USP45: variants seen among roughly 807,000 people sequenced by gnomAD.
USP45 encodes the protein ubiquitin carboxyl-terminal hydrolase 45.
USP45 carries 89 observed loss-of-function variants against 95.8 expected under a neutral mutation model. The observed-to-expected ratio is 0.93, with a 90% CI of 0.78 to 1.11. USP45 has a LOEUF of 1.11. USP45 is among the 50% of genes least tolerant of loss of function. USP45 has a pLI of 0.00. For synonymous variants in USP45, 281 were observed against 316.2 expected (o/e 0.89, Z 1.18); for missense variants, 898 against 942.5 (o/e 0.95, Z 0.62).
At chr6:99,442,934 T>C (rs901209585) in intron 15 of USP45, among the ~76,000 whole-genome samples, 18 of 150,314 alleles carry the variant, frequency 1.2e-4, no homozygotes, top group African/African-American at 4.4e-4. Context: ...GAAAATTGTA[T>C]GGGCTGGGTG....
chr6:99,505,692 GTTCACAATCTTCTTAC>G (rs1798377335), intron 4 of USP45, among the ~76,000 whole-genome samples: 1 of 149,552 alleles, frequency 6.7e-6, no homozygotes, highest in Non-Finnish European at 1.5e-5. Context: ...TACATTACAT[GTTCACAATCTTCTTAC>G]CCACCTTTTT....
At position 99,443,636 on chromosome 6, in the gene USP45, TAG is replaced by T. The variant is rs1441730413; in HGVS notation, c.2000_2001del (p.Thr667LysfsTer31). Reference protein sequence around the residue: ...FAEKKVEGVYTNARKQLLISA... With the variant: ...FAEKKVEGVYXNARKQLLISA... ...GAAATGAGCAATTGCTTCCTGGCAT[TAG>T]TATAAACTCCTTCTACTTTCTTTTC... On this transcript the variant is annotated frameshift_variant, in exon 15 of 18. Transcript: ENST00000500704. LOFTEE classifies it high-confidence loss of function. 5 of 1,606,996 alleles carry T rather than the reference TAG, an allele frequency of 3.1e-6. No homozygotes were observed. The African/African-American group carries it at 6.7e-5, about 21-fold the overall frequency.
At chr6:99,459,870 A>C (rs142578159) in intron 13 of USP45, among the ~76,000 whole-genome samples, 1,790 of 152,178 alleles carry the variant, frequency 0.012, 14 homozygotes, top group Non-Finnish European at 0.016. Flanking sequence ...GGTGGTGGGG[A>C]ATAGGGAGAG....
At position 99,446,194 on chromosome 6, in the gene USP45, G is replaced by A. The variant is rs142513593; in HGVS notation, c.1578C>T (p.Ser526=). 95 of 1,613,972 alleles carry A rather than the reference G, an allele frequency of 5.9e-5. No individual in the cohort carries two copies. Among genetic ancestry groups the A allele is most frequent in the East Asian group, 3.1e-4 (14 of 44,882 alleles). Reference sequence around the variant, plus strand: ...AAAGGGGTCCATCTGGCTGCACACCGGATCCACTACTGGATCTGAACAGCC... The same window carrying A: ...AAAGGGGTCCATCTGGCTGCACACCAGATCCACTACTGGATCTGAACAGCC... ...QTGLFRSSSG[S]GVQPDGPLYP... is the part of the protein sequence containing the mutation. The change falls in exon 14 of 18, where the codon TCC becomes TCT. Residue 526 remains serine (S), a synonymous_variant. Transcript: ENST00000500704.
Position 99,435,924 on chromosome 6 carries a change from T to C in USP45, c.2315-78A>G, listed in dbSNP as rs759068531. 12 of 1,417,432 alleles carry C rather than the reference T, an allele frequency of 8.5e-6. No homozygotes were observed. In the South Asian group the frequency reaches 1.4e-4, roughly 16 times the overall value. The allele number at this position is 1,417,432 out of a possible 1,614,324, so 87.8% of individuals were successfully genotyped here. A position where few individuals can be genotyped will look rare whatever the true frequency, so the allele number is the denominator to read the frequency against. On this transcript the variant is annotated intron_variant, in intron 17 of 17. Coordinates refer to ENST00000500704, the MANE Select transcript of USP45 (RefSeq NM_001346022.3). ...ACTCTAAATTACAAACAATAACATA[T>C]TCATTACAAACTCTATCTAATGCCA...
rs1349611773 is a variant in USP45, at chr6:99,449,087, A to G, written c.1309-2624T>C. 3.3e-5 allele frequency among the ~76,000 whole-genome samples: 5 copies of G among 152,152 alleles called. No homozygotes were observed. The East Asian group carries it at 5.8e-4, about 18-fold the overall frequency. ...AAAAACATGCCAAACTGTAAAGACC[A>G]TCAATGCTAGGAAGAAACGGCATCA... On this transcript the variant is annotated intron_variant, in intron 13 of 17. Coordinates refer to ENST00000500704, the MANE Select transcript of USP45 (RefSeq NM_001346022.3).
At chr6:99,476,516 T>C (rs1790906105) in intron 8 of USP45, among the ~76,000 whole-genome samples, 1 of 152,182 alleles carries the variant, frequency 6.6e-6, no homozygotes, top group Admixed American at 6.5e-5. Flanking sequence ...ATAGATGAAA[T>C]GTGATTACTG....
chr6:99,483,901 C>T (rs1793105328), intron 7 of USP45, among the ~76,000 whole-genome samples: 1 of 149,422 alleles, frequency 6.7e-6, no homozygotes, highest in Non-Finnish European at 1.5e-5. Context: ...AATATATTGT[C>T]CTATTCCTAT....
chr6:99,479,277 C>A (rs1288206437), intron 8 of USP45, among the ~76,000 whole-genome samples: 1 of 151,942 alleles, frequency 6.6e-6, no homozygotes, highest in East Asian at 1.9e-4. Flanking sequence ...ATGACATTAA[C>A]AGCTCACTGA....
At chr6:99,475,880 A>T (rs1281520776) in intron 9 of USP45, among the ~76,000 whole-genome samples, 2 of 152,140 alleles carry the variant, frequency 1.3e-5, no homozygotes, top group African/African-American at 4.8e-5. Flanking sequence ...GGAGTAGTGC[A>T]GTAGCGGGAT....
intron 8 of USP45, among the ~76,000 whole-genome samples, chr6:99,480,331 C>A (rs1382285531): frequency 6.6e-6 from 1 of 152,130 alleles, no homozygotes. Flanking sequence ...AATTGATCTA[C>A]ACATTCAAAA....
At chr6:99,478,806 G>A (rs1420944399) in intron 8 of USP45, among the ~76,000 whole-genome samples, 1 of 152,114 alleles carries the variant, frequency 6.6e-6, no homozygotes, top group Non-Finnish European at 1.5e-5. Context: ...TGAAGACCTT[G>A]CTCCCAAATA....
rs746457292 is a variant in USP45 at position 99,439,900 on chromosome 6, A to C, written c.2074-45T>G. The C allele has an allele frequency of 2.7e-6, 4 of 1,489,212 alleles. No individual in the cohort carries two copies. In the African/African-American group the frequency reaches 5.6e-5, roughly 21 times the overall value. The allele number at this position is 1,489,212 out of a possible 1,614,324, so 92.2% of individuals were successfully genotyped here. A position where few individuals can be genotyped will look rare whatever the true frequency, so the allele number is the denominator to read the frequency against. ...TTTTGAAATGCAACAATTAGAAATA[A>C]AGCATTGTCTTTGTTAACTAAAACC... On this transcript the variant is annotated intron_variant, in intron 15 of 17. Transcript: ENST00000500704.
chr6:99,481,656 C>G (rs1295592179), intron 8 of USP45, among the ~76,000 whole-genome samples: 2 of 152,104 alleles, frequency 1.3e-5, no homozygotes, highest in East Asian at 3.9e-4. Flanking sequence ...TTTTTCAACC[C>G]TTCCTCCCTC....
chr6:99,494,864 A>T (rs951962086), intron 5 of USP45, among the ~76,000 whole-genome samples: 2 of 152,198 alleles, frequency 1.3e-5, no homozygotes, highest in African/African-American at 4.8e-5. Context: ...ACTGCACTCC[A>T]GACTAGGTGA....
rs1217392675 is a variant in USP45 at position 99,468,581 on chromosome 6, G to A, written c.971C>T (p.Pro324Leu). ...QASILKAFNN[P>L]TTKTADDETR... ...TTCATCATCAGCAGTTTTAGTAGTTGGGTTGTTAAATGCTTTTAGAATGCT... is the reference window on the plus strand; with the variant it reads ...TTCATCATCAGCAGTTTTAGTAGTTAGGTTGTTAAATGCTTTTAGAATGCT... Residue 324 changes from proline to leucine, a missense_variant, in exon 10 of 18, where the codon CCA (proline) becomes CTA (leucine). By Grantham distance (98) the Pro-to-Leu change is moderately conservative (BLOSUM62 -3). Coordinates refer to ENST00000500704, the MANE Select transcript of USP45 (RefSeq NM_001346022.3). 1 of 1,609,302 alleles carries A rather than the reference G, an allele frequency of 6.2e-7. No homozygotes were observed. Among genetic ancestry groups the A allele is most frequent in the Non-Finnish European group, 8.5e-7 (1 of 1,177,220 alleles).
intron 13 of USP45, among the ~76,000 whole-genome samples, chr6:99,459,576 G>A (rs538887105): frequency 2.6e-4 from 40 of 152,252 alleles, no homozygotes; most frequent in African/African-American, 6.7e-4. Context: ...TTTCTGCAAC[G>A]GTTGAACTAA....
At position 99,445,796 on chromosome 6, in the gene USP45, C is replaced by A. The variant is rs769523861; in HGVS notation, c.1975+1G>T. ...AATTATGTAATTAAAAAAATAATTA[C>A]CTGCAAAACTGGTTTCTTCTTGGTA... is the stretch of plus-strand genomic sequence containing the variant. On this transcript the variant is annotated splice_donor_variant, in intron 14 of 17. Transcript: ENST00000500704. LOFTEE classifies it high-confidence loss of function. 6 of 1,545,844 alleles carry A rather than the reference C, an allele frequency of 3.9e-6. No individual in the cohort carries two copies. In the African/African-American group the frequency reaches 7.0e-5, roughly 18 times the overall value.
chr6:99,460,935 GA>G, intron 13 of USP45: 6 of 983,502 alleles, frequency 6.1e-6, no homozygotes, highest in Non-Finnish European at 7.2e-6. Context: ...GGGATGTATA[GA>G]AAAAACAGCA....
Sources: allele counts gnomAD v4.1 joint callset (sites outside exome capture counted in the v4.1 genomes callset), GRCh38; gene constraint gnomAD v4.1.1; transcripts MANE v1.5; gene names NCBI Gene and HGNC (gene_info 2026-07-23, HGNC 2026-07-21).